The following FURIN variants were observed in gnomAD, a reference collection of about 807,000 sequenced individuals.
FURIN encodes the protein furin, paired basic amino acid cleaving enzyme, also known as FES upstream region.
A neutral mutation model predicts 89.2 loss-of-function variants in FURIN; 18 were observed. The observed-to-expected ratio is 0.20, with a 90% CI of 0.14 to 0.30. The LOEUF (loss-of-function observed/expected upper bound fraction) is 0.30, where lower values mean the gene tolerates loss of function less well. Ranked by LOEUF, FURIN falls within the 10% of genes least tolerant of loss-of-function variation. FURIN has a pLI of 1.00. For missense variants in FURIN, 879 were observed against 1,100.5 expected (o/e 0.80, Z 2.85); for synonymous variants, 508 against 466.4 (o/e 1.09, Z -1.15).
chr15:90,878,852 A>G lies in FURIN; in HGVS notation c.929A>G (p.Asn310Ser). The G allele has an allele frequency of 6.2e-7, 1 of 1,610,454 alleles. No individual in the cohort carries two copies. Among genetic ancestry groups the G allele is most frequent in the Non-Finnish European group, 8.5e-7 (1 of 1,178,380 alleles). Residue 310 changes from asparagine (N) to serine (S), a missense_variant, in exon 9 of 16, where the codon AAC becomes AGC. Physicochemically the swap from Asn to Ser is conservative, Grantham distance 46. This residue lies in a region of FURIN where 156 missense variants were observed against 243.7 expected (regional missense o/e 0.64). Transcript: ENST00000268171. ...AGCTGCAACTGCGACGGCTACACCA[A>G]CAGTATCTACACGCTGTCCATCAGC... Reference protein sequence around the residue: ...HDSCNCDGYTNSIYTLSISSA... With the variant: ...HDSCNCDGYTSSIYTLSISSA...
In FURIN at chr15:90,883,085, G is replaced by A. The variant is rs1012170860; in HGVS notation, c.*1207G>A. The A allele has an allele frequency of 5.9e-5, 9 of 152,712 alleles. No homozygotes were observed. Among genetic ancestry groups the A allele is most frequent in the Non-Finnish European group, 1.2e-4 (8 of 68,110 alleles). The allele number at this position is 152,712 out of a possible 1,614,324, so 9.5% of individuals were successfully genotyped here. ...CAAGTGCCAGAGGTGGGCAGGTGGTGGCACTGAGCCCCCCCAACACTGTGC... is the reference window on the plus strand; with the variant it reads ...CAAGTGCCAGAGGTGGGCAGGTGGTAGCACTGAGCCCCCCCAACACTGTGC... On this transcript the variant is annotated 3_prime_UTR_variant, in exon 16 of 16. Transcript: ENST00000268171.
intron 1 of FURIN, chr15:90,872,791 C>G (rs1330763742): frequency 6.6e-6 from 1 of 152,176 alleles, no homozygotes; most frequent in Non-Finnish European, 1.5e-5. Context: ...GGTGTCTCTG[C>G]TAGAGGGAGA....
chr15:90,870,455 A>G (rs1293621768), intron 1 of FURIN, among the ~76,000 whole-genome samples: 1 of 152,068 alleles, frequency 6.6e-6, no homozygotes. Context: ...CCTGGCTCAT[A>G]GAAAACACTC....
In FURIN at chr15:90,881,055, C is replaced by T. The variant is rs771440980; in HGVS notation, c.1792+15C>T. Reference sequence around the variant, plus strand: ...GGCCTGTGTGGGTCAGTAGTGGGTGCTGTTGGGCTTTGGGGGCCTGAGTCT... The same window carrying T: ...GGCCTGTGTGGGTCAGTAGTGGGTGTTGTTGGGCTTTGGGGGCCTGAGTCT... On this transcript the variant is annotated intron_variant, in intron 15 of 15. Transcript: ENST00000268171. This position sits in a 1 kb window ranked among gnomAD's most constrained non-coding sequence, Gnocchi z 4.3. The T allele has an allele frequency of 5.1e-6, 8 of 1,577,322 alleles. No homozygotes were observed. The highest frequency in any genetic ancestry group is 7.0e-6 in the Non-Finnish European group (8 of 1,146,422).
At chr15:90,871,048 C>T (rs891371187) in intron 1 of FURIN, among the ~76,000 whole-genome samples, 3 of 152,218 alleles carry the variant, frequency 2.0e-5, no homozygotes, top group African/African-American at 4.8e-5. Flanking sequence ...GTCGTGACTC[C>T]TCTAACAGTA....
chr15:90,872,391 G>C (rs2031365469), intron 1 of FURIN, among the ~76,000 whole-genome samples: 2 of 152,268 alleles, frequency 1.3e-5, no homozygotes, highest in South Asian at 4.1e-4. Flanking sequence ...CCCCTGGGGT[G>C]CAGACCCTCA....
chr15:90,879,326 C>T (rs2031809018), intron 9 of FURIN, 118 bp from the exon 10 acceptor site: 1 of 788,054 alleles, frequency 1.3e-6, no homozygotes, highest in Admixed American at 2.2e-5. Flanking sequence ...GGTTCTTGGC[C>T]CTGGCTCCCC....
At chr15:90,872,326 A>G (rs2031361037) in intron 1 of FURIN, among the ~76,000 whole-genome samples, 1 of 152,112 alleles carries the variant, frequency 6.6e-6, no homozygotes, top group Non-Finnish European at 1.5e-5. Context: ...GACAGGTCTG[A>G]CGGCAGTCAC....
Position 90,881,393 on chromosome 15 carries a change from G to A in FURIN, c.1900G>A (p.Glu634Lys). 6.2e-7 allele frequency: 1 copy of A among 1,612,866 alleles called. No homozygotes were observed. Among genetic ancestry groups the A allele is most frequent in the Non-Finnish European group, 8.5e-7 (1 of 1,179,968 alleles). The part of the protein sequence containing the change: ...DTHYSTENDV[E>K]TIRASVCAPC... ...GCACTATAGCACCGAGAATGACGTG[G>A]AGACCATCCGGGCCAGCGTCTGCGC... The change falls in exon 16 of 16, where the codon GAG (glutamate) becomes AAG (lysine). Residue 634 changes from glutamate (E) to lysine (K), a missense_variant. This residue lies in a region of FURIN where 457 missense variants were observed against 490.7 expected (regional missense o/e 0.93). Transcript: ENST00000268171. This position sits in a 1 kb window ranked among gnomAD's most constrained non-coding sequence, Gnocchi z 4.3.
intron 1 of FURIN, among the ~76,000 whole-genome samples, chr15:90,873,853 A>G (rs960213719): frequency 2.6e-5 from 4 of 152,128 alleles, no homozygotes; most frequent in Non-Finnish European, 5.9e-5. Context: ...CCAAACTGAA[A>G]ATACTCCAGG....
At position 90,876,506 on chromosome 15, in the gene FURIN, G is replaced by C; in HGVS notation, c.321G>C (p.Arg107=). 1.2e-6 allele frequency: 2 copies of C among 1,614,034 alleles called. No individual in the cohort carries two copies. Among genetic ancestry groups the C allele is most frequent in the Middle Eastern group, 1.7e-4 (1 of 6,060 alleles). ...EQQVAKRRTK[R]DVYQEPTDPK... ...AGGTGGCAAAGCGACGGACTAAACG[G>C]GACGTGTACCAGGAGCCCACAGACC... Residue 107 remains arginine (R), a synonymous_variant, in exon 4 of 16, where the codon CGG becomes CGC. Coordinates refer to ENST00000268171, the MANE Select transcript of FURIN (RefSeq NM_002569.4). This position sits in a 1 kb window ranked among gnomAD's most constrained non-coding sequence, Gnocchi z 5.0.
rs1290755567 is a variant in FURIN at position 90,878,272 on chromosome 15, G to C, written c.808G>C (p.Ala270Pro). The C allele has an allele frequency of 1.2e-6, 2 of 1,605,816 alleles. No individual in the cohort carries two copies. The highest frequency in any genetic ancestry group is 1.7e-6 in the Non-Finnish European group (2 of 1,174,922). ...GACAGTGGATGGGCCAGCCCGCCTC[G>C]CCGAGGAGGCCTTCTTCCGTGGGGT... ...GKTVDGPARL[A>P]EEAFFRGVSQ... is the part of the protein sequence containing the mutation. Residue 270 changes from alanine to proline, a missense_variant, in exon 8 of 16, where the codon GCC becomes CCC. Around this residue, in one of 5 missense-constraint regions of FURIN, gnomAD observed 156 missense variants for 243.7 expected, o/e 0.64. Coordinates refer to ENST00000268171, the MANE Select transcript of FURIN (RefSeq NM_002569.4).
In FURIN at chr15:90,881,068, G is replaced by A; in HGVS notation, c.1792+28G>A. The A allele has an allele frequency of 6.5e-7, 1 of 1,526,970 alleles. No homozygotes were observed. The highest frequency in any genetic ancestry group is 9.1e-7 in the Non-Finnish European group (1 of 1,100,508). The allele number at this position is 1,526,970 out of a possible 1,614,324, so 94.6% of individuals were successfully genotyped here. ...CAGTAGTGGGTGCTGTTGGGCTTTG[G>A]GGGCCTGAGTCTGGGGGTAAGGCGG... On this transcript the variant is annotated intron_variant, in intron 15 of 15. Coordinates refer to ENST00000268171, the MANE Select transcript of FURIN (RefSeq NM_002569.4). The surrounding 1 kb of genome is among the most constrained non-coding windows in gnomAD (Gnocchi z 4.3).
Position 90,879,892 on chromosome 15 carries a change from T to G in FURIN, c.1284T>G (p.Leu428=). 6.2e-7 allele frequency: 1 copy of G among 1,613,538 alleles called. No homozygotes were observed. Among genetic ancestry groups the G allele is most frequent in the Non-Finnish European group, 8.5e-7 (1 of 1,180,014 alleles). ...RKVSHSYGYG[L]LDAGAMVALA... Reference sequence around the variant, plus strand: ...TGAGCCACTCATATGGCTACGGGCTTTTGGACGCAGGCGCCATGGTGGCCC... The same window carrying G: ...TGAGCCACTCATATGGCTACGGGCTGTTGGACGCAGGCGCCATGGTGGCCC... The change falls in exon 12 of 16, where the codon CTT becomes CTG. Residue 428 remains leucine (L), a synonymous_variant. Coordinates refer to ENST00000268171, the MANE Select transcript of FURIN (RefSeq NM_002569.4).
rs772524475 is a variant in FURIN, at chr15:90,880,184, G to A, written c.1467G>A (p.Ala489=). 7 of 1,612,612 alleles carry A rather than the reference G, an allele frequency of 4.3e-6. No individual in the cohort carries two copies. Among genetic ancestry groups the A allele is most frequent in the East Asian group, 2.2e-5 (1 of 44,872 alleles). The change falls in exon 13 of 16, where the codon GCG becomes GCA. Residue 489 remains alanine, a synonymous_variant. Transcript: ENST00000268171. ...TCACTCGGCTGGAGCACGCTCAGGC[G>A]CGGCTCACCCTGTCCTATAATCGCC... The part of the protein sequence containing the change: ...NHITRLEHAQ[A]RLTLSYNRRG...
At position 90,881,595 on chromosome 15, in the gene FURIN, G is replaced by T; in HGVS notation, c.2102G>T (p.Gly701Val). ...CGGCTGCCCCCGGAGGTGGAGGCGG[G>T]GCAACGGCTGCGGGCAGGGCTGCTG... ...PPRLPPEVEA[G>V]QRLRAGLLPS... Residue 701 changes from glycine (G) to valine (V), a missense_variant, in exon 16 of 16, where the codon GGG becomes GTG. By Grantham distance (109) the Gly-to-Val change is moderately radical. Coordinates refer to ENST00000268171, the MANE Select transcript of FURIN (RefSeq NM_002569.4). This position sits in a 1 kb window ranked among gnomAD's most constrained non-coding sequence, Gnocchi z 4.3. 1 of 1,607,034 alleles carries T rather than the reference G, an allele frequency of 6.2e-7. No homozygotes were observed. The highest frequency in any genetic ancestry group is 1.3e-5 in the African/African-American group (1 of 74,914).
At chr15:90,869,765 G>A (rs1022524386) in intron 1 of FURIN, among the ~76,000 whole-genome samples, 2 of 152,292 alleles carry the variant, frequency 1.3e-5, no homozygotes, top group African/African-American at 4.8e-5. Flanking sequence ...CTCCAGGATG[G>A]GTGGGGCACC....
In FURIN at chr15:90,876,879, G is replaced by A. The variant is rs759804690; in HGVS notation, c.373-17G>A. On this transcript the variant is annotated splice_polypyrimidine_tract_variant and intron_variant, in intron 4 of 15. Coordinates refer to ENST00000268171, the MANE Select transcript of FURIN (RefSeq NM_002569.4). The surrounding 1 kb of genome is among the most constrained non-coding windows in gnomAD (Gnocchi z 5.0). The stretch of plus-strand genomic sequence containing the variant: ...ACCAATCATGTCTCATAAGTGATGG[G>A]GTGGGTGTCTCCACAGTCTGGTGTC... 5.6e-6 allele frequency: 9 copies of A among 1,613,614 alleles called. No homozygotes were observed. The South Asian group carries it at 6.6e-5, about 12-fold the overall frequency.
rs762463052 is a variant in FURIN at position 90,876,499 on chromosome 15, C to G, written c.314C>G (p.Thr105Ser). Residue 105 changes from threonine to serine, a missense_variant, in exon 4 of 16, where the codon ACT (threonine) becomes AGT (serine). By Grantham distance (58) the Thr-to-Ser change is moderately conservative (BLOSUM62 1). This residue lies in a region of FURIN where 139 missense variants were observed against 215.0 expected (regional missense o/e 0.65). Coordinates refer to ENST00000268171, the MANE Select transcript of FURIN (RefSeq NM_002569.4). This position sits in a 1 kb window ranked among gnomAD's most constrained non-coding sequence, Gnocchi z 5.0. ...WLEQQVAKRR[T>S]KRDVYQEPTD... ...GAACAGCAGGTGGCAAAGCGACGGA[C>G]TAAACGGGACGTGTACCAGGAGCCC... 6 of 1,613,984 alleles carry G rather than the reference C, an allele frequency of 3.7e-6. No individual in the cohort carries two copies. The highest frequency in any genetic ancestry group is 5.1e-6 in the Non-Finnish European group (6 of 1,179,876).
Sources: gnomAD v4.1 joint callset for allele counts (sites outside exome capture counted in the v4.1 genomes callset) on GRCh38, gnomAD v4.1.1 for gene constraint, gnomAD v4.1.1 regional missense constraint, Gnocchi (gnomAD v3.1) non-coding constraint, MANE v1.5 for transcripts, NCBI Gene and HGNC (gene_info 2026-07-23, HGNC 2026-07-21) for gene names.